DPP6: variants seen among roughly 807,000 people sequenced by gnomAD.
The protein encoded by DPP6 is A-type potassium channel modulatory protein DPP6.
A neutral mutation model predicts 122.6 loss-of-function variants in DPP6; 69 were observed. The ratio of observed to expected loss-of-function variants is 0.56; its 90% CI spans 0.46 to 0.69. The LOEUF (loss-of-function observed/expected upper bound fraction) is 0.69, where lower values mean the gene tolerates loss of function less well. Among genes scored for constraint, DPP6 ranks in the 30% least tolerant of loss-of-function variants. The pLI is 0.00. For missense variants in DPP6, 928 were observed against 1,116.9 expected (o/e 0.83, Z 2.41); for synonymous variants, 418 against 433.1 (o/e 0.97, Z 0.43).
intron 1 of DPP6, among the ~76,000 whole-genome samples, chr7:154,393,909 T>C (rs781494999): frequency 5.9e-5 from 9 of 152,204 alleles, no homozygotes; most frequent in Non-Finnish European, 1.2e-4. Context: ...CATTTTTCTT[T>C]CTGGACTGCC....
intron 1 of DPP6, among the ~76,000 whole-genome samples, chr7:154,425,192 G>A (rs900477341): frequency 2.6e-5 from 4 of 152,090 alleles, no homozygotes; most frequent in African/African-American, 7.2e-5. Flanking sequence ...TTCCTGACAG[G>A]ATTGGGTATG....
intron 1 of DPP6, among the ~76,000 whole-genome samples, chr7:154,253,673 A>G (rs911597384): frequency 5.3e-5 from 8 of 152,218 alleles, no homozygotes; most frequent in Non-Finnish European, 1.0e-4. Context: ...GATGATGACA[A>G]TGATGATAAT....
chr7:154,184,121 C>A (rs1431776767), intron 1 of DPP6, among the ~76,000 whole-genome samples: 1 of 151,948 alleles, frequency 6.6e-6, no homozygotes, highest in Admixed American at 6.6e-5. Context: ...CAGGACCAAC[C>A]AAGAAGCAGG....
At chr7:154,056,698 G>T (rs1449592972) in intron 1 of DPP6, among the ~76,000 whole-genome samples, 1 of 152,126 alleles carries the variant, frequency 6.6e-6, no homozygotes, top group African/African-American at 2.4e-5. Context: ...CCTTGGAAGG[G>T]CCAATTTCAT....
At chr7:154,722,162 T>C (rs1841850582) in intron 7 of DPP6, among the ~76,000 whole-genome samples, 1 of 152,190 alleles carries the variant, frequency 6.6e-6, no homozygotes, top group Non-Finnish European at 1.5e-5. Context: ...ACCACTGCAC[T>C]CCAGCCTGCA....
rs996685445 is a variant in DPP6, at chr7:154,755,138, T to C, written c.884-14279T>C. Among the ~76,000 whole-genome samples, 32 of 103,914 alleles carry C rather than the reference T, an allele frequency of 3.1e-4. No homozygotes were observed. The highest frequency in any genetic ancestry group is 1.5e-3 in the African/African-American group (32 of 21,426). The allele number at this position is 103,914 out of a possible 152,430, so 68.2% of individuals were successfully genotyped here. A position where few individuals can be genotyped will look rare whatever the true frequency, so the allele number is the denominator to read the frequency against. On this transcript the variant is annotated intron_variant, in intron 8 of 25. Transcript: ENST00000377770. The surrounding 1 kb of genome is among the most constrained non-coding windows in gnomAD (Gnocchi z 4.7). The stretch of plus-strand genomic sequence containing the variant: ...TGCACATGTATCCCAGAACTTAAAG[T>C]AAAATAAATTAAAAAAAAAAAAAAA...
At chr7:153,850,886 C>T in the DPP6 span, among the ~76,000 whole-genome samples, 2 of 152,142 alleles carry the variant, frequency 1.3e-5, no homozygotes, top group East Asian at 3.8e-4. Flanking sequence ...GGTGGAGACA[C>T]AGCCAAAGCA....
intron 4 of DPP6, among the ~76,000 whole-genome samples, chr7:154,552,750 T>G (rs759532007): frequency 6.6e-6 from 1 of 152,206 alleles, no homozygotes; most frequent in Non-Finnish European, 1.5e-5. Flanking sequence ...ATAAGAAAGC[T>G]TAAGAGAAGG....
intron 10 of DPP6, among the ~76,000 whole-genome samples, chr7:154,778,564 C>T (rs200396518): frequency 1.4e-5 from 2 of 147,652 alleles, no homozygotes; most frequent in African/African-American, 5.1e-5. Context: ...CACCCCCCCC[C>T]AAAAAAAACC....
intron 16 of DPP6, among the ~76,000 whole-genome samples, chr7:154,847,771 C>T (rs1214525045): frequency 1.3e-5 from 2 of 152,140 alleles, no homozygotes; most frequent in Non-Finnish European, 2.9e-5. Flanking sequence ...GGTATTCCTC[C>T]CGTCTAACTG....
intron 1 of DPP6, among the ~76,000 whole-genome samples, chr7:154,101,021 G>T (rs1282245888): frequency 7.8e-6 from 1 of 128,434 alleles, no homozygotes. Flanking sequence ...AGCTGTGGTT[G>T]GTCCTGTGTT....
chr7:154,535,811 C>T (rs1291782383), intron 3 of DPP6, among the ~76,000 whole-genome samples: 2 of 151,956 alleles, frequency 1.3e-5, no homozygotes, highest in South Asian at 2.1e-4. Flanking sequence ...AAATTAAAAC[C>T]TCAGTGAGAT....
chr7:154,553,813 C>A (rs1333068374), intron 4 of DPP6, among the ~76,000 whole-genome samples: 1 of 148,886 alleles, frequency 6.7e-6, no homozygotes, highest in Non-Finnish European at 1.5e-5. Context: ...TCCATCATTA[C>A]ATATCACGTG....
intron 1 of DPP6, among the ~76,000 whole-genome samples, chr7:154,207,952 C>CA (rs199673849): frequency 0.12 from 13,705 of 113,650 alleles, 685 homozygotes; most frequent in African/African-American, 0.18. Context: ...GAGACTGCCT[C>CA]AAAAAAAAAA....
chr7:154,796,049 C>A, intron 12 of DPP6, 166 bp downstream of exon 12: 1 of 1,139,760 alleles, frequency 8.8e-7, no homozygotes, highest in Non-Finnish European at 1.2e-6. Context: ...GCCTCCCGTT[C>A]TCCAGGGTTG....
At chr7:154,156,753 A>G (rs956351875) in intron 1 of DPP6, among the ~76,000 whole-genome samples, 2 of 152,172 alleles carry the variant, frequency 1.3e-5, no homozygotes, top group African/African-American at 4.8e-5. Flanking sequence ...CTTGAATTTA[A>G]TGGAGGTATA....
intron 6 of DPP6, among the ~76,000 whole-genome samples, chr7:154,658,892 A>G (rs897254240): frequency 5.3e-5 from 8 of 152,200 alleles, no homozygotes; most frequent in African/African-American, 1.9e-4. Flanking sequence ...TCAAAGGTCA[A>G]GGTGTTGATG....
intron 1 of DPP6, among the ~76,000 whole-genome samples, chr7:154,078,285 A>G (rs535056054): frequency 1.3e-5 from 2 of 152,164 alleles, no homozygotes; most frequent in African/African-American, 4.8e-5. Flanking sequence ...GGGGCTTAAT[A>G]TAGAATGTTT....
At chr7:154,422,213 C>T (rs1188426357) in intron 1 of DPP6, among the ~76,000 whole-genome samples, 1 of 152,184 alleles carries the variant, frequency 6.6e-6, no homozygotes, top group Admixed American at 6.5e-5. Context: ...CCAAACCTAA[C>T]TAAAAGCTGG....
Sources: allele counts gnomAD v4.1 joint callset (sites outside exome capture counted in the v4.1 genomes callset), GRCh38; gene constraint gnomAD v4.1.1; non-coding constraint Gnocchi (gnomAD v3.1); transcripts MANE v1.5; gene names NCBI Gene and HGNC (gene_info 2026-07-23, HGNC 2026-07-21).